Variants in NRXN1 observed in about 807,000 individuals in gnomAD.
NRXN1 encodes neurexin-1.
In NRXN1, 39 loss-of-function variants were observed where a neutral mutation model predicts 150.9. The observed-to-expected ratio is 0.26, with a 90% CI of 0.20 to 0.34. The LOEUF (loss-of-function observed/expected upper bound fraction) is 0.34. Ranked by LOEUF, NRXN1 falls within the 10% of genes least tolerant of loss-of-function variation. The pLI, the probability that NRXN1 is intolerant of heterozygous loss-of-function variation, is 1.00. For synonymous variants in NRXN1, 924 were observed against 757.0 expected, an observed-to-expected ratio of 1.22 and a Z score of -3.62; for missense variants, 1,815 against 1,949.9, an observed-to-expected ratio of 0.93 and a Z score of 1.30.
chr2:50,145,322 T>G (rs1396473978), intron 18 of NRXN1, among the ~76,000 whole-genome samples: 2 of 151,328 alleles, frequency 1.3e-5, no homozygotes, highest in African/African-American at 4.8e-5. Context: ...ACAGAAATTG[T>G]TTTTTTTCCT....
At chr2:50,486,805 T>G (rs1248685041) in intron 15 of NRXN1, among the ~76,000 whole-genome samples, 1 of 152,152 alleles carries the variant, frequency 6.6e-6, no homozygotes, top group Non-Finnish European at 1.5e-5. Context: ...TATGGGAAAT[T>G]GGCCTAAATA....
At chr2:51,006,980 T>C (rs754349475) in intron 2 of NRXN1, among the ~76,000 whole-genome samples, 10 of 149,324 alleles carry the variant, frequency 6.7e-5, no homozygotes, top group Non-Finnish European at 1.0e-4. Context: ...CTATAATCTA[T>C]GAACACCAAT....
intron 15 of NRXN1, among the ~76,000 whole-genome samples, chr2:50,487,144 T>C (rs79951573): frequency 0.055 from 8,316 of 152,070 alleles, 798 homozygotes; most frequent in African/African-American, 0.19. Flanking sequence ...AGAGAAAATA[T>C]ATGTAGCTGT....
intron 12 of NRXN1, among the ~76,000 whole-genome samples, chr2:50,519,328 T>C (rs1308060959): frequency 1.3e-5 from 2 of 151,994 alleles, no homozygotes; most frequent in Admixed American, 6.6e-5. Flanking sequence ...AGCTAGCTTT[T>C]AGTCAGTGGC....
intron 17 of NRXN1, among the ~76,000 whole-genome samples, chr2:50,365,635 AATCC>A (rs925755189): frequency 6.6e-6 from 1 of 152,054 alleles, no homozygotes; most frequent in African/African-American, 2.4e-5. Flanking sequence ...AATGTCTTAA[AATCC>A]ATCACACTGT....
intron 21 of NRXN1, among the ~76,000 whole-genome samples, chr2:50,042,600 AT>A (rs1327193221): frequency 6.6e-6 from 1 of 152,164 alleles, no homozygotes. Context: ...TCTTAGCATC[AT>A]TTTATGCATT....
intron 5 of NRXN1, among the ~76,000 whole-genome samples, chr2:50,913,847 G>A (rs866155454): frequency 6.6e-6 from 1 of 151,612 alleles, no homozygotes; most frequent in Non-Finnish European, 1.5e-5. Context: ...TCCCGAAAAT[G>A]GTAGCTATTA....
intron 9 of NRXN1, among the ~76,000 whole-genome samples, chr2:50,542,041 G>C (rs924831365): frequency 1.3e-4 from 20 of 152,156 alleles, no homozygotes; most frequent in Admixed American, 3.9e-4. Context: ...CAGCACTTTG[G>C]GAGACCAAGG....
At chr2:50,050,232 T>G (rs530323684) in intron 21 of NRXN1, among the ~76,000 whole-genome samples, 72 of 151,694 alleles carry the variant, frequency 4.7e-4, no homozygotes, top group African/African-American at 1.7e-3. Context: ...TGGAGGATAT[T>G]TTGATGAACA....
At chr2:50,429,188 G>C (rs1262959885) in intron 17 of NRXN1, among the ~76,000 whole-genome samples, 2 of 152,172 alleles carry the variant, frequency 1.3e-5, no homozygotes, top group South Asian at 4.1e-4. Context: ...TAACCTGAGA[G>C]GTTGTTAAAA....
intron 17 of NRXN1, among the ~76,000 whole-genome samples, chr2:50,365,109 C>CT (rs952072820): frequency 8.6e-5 from 13 of 151,024 alleles, no homozygotes; most frequent in South Asian, 2.1e-4. Flanking sequence ...ATACATGAAG[C>CT]TTTTTTTTTC....
chr2:51,012,947 G>C (rs967835359), intron 2 of NRXN1, among the ~76,000 whole-genome samples: 1 of 151,870 alleles, frequency 6.6e-6, no homozygotes, highest in Admixed American at 6.6e-5. Context: ...ATTCATACCA[G>C]TACTACCAAA....
chr2:50,178,600 T>C (rs79412915), intron 18 of NRXN1, among the ~76,000 whole-genome samples: 3,009 of 152,136 alleles, frequency 0.02, 96 homozygotes, highest in African/African-American at 0.07. Context: ...ACAGAGGAAT[T>C]TGGATTACAA....
chr2:50,192,276 G>C (rs2061491690), intron 18 of NRXN1, among the ~76,000 whole-genome samples: 1 of 152,064 alleles, frequency 6.6e-6, no homozygotes, highest in Non-Finnish European at 1.5e-5. Context: ...GATTATTATA[G>C]TATCATTTTC....
At chr2:50,300,731 T>A (rs1021129903) in intron 17 of NRXN1, among the ~76,000 whole-genome samples, 3 of 152,202 alleles carry the variant, frequency 2.0e-5, no homozygotes, top group African/African-American at 7.2e-5. Flanking sequence ...AGTCTTGCTC[T>A]GTCACCCAGG....
At chr2:50,371,037 C>T (rs746082734) in intron 17 of NRXN1, among the ~76,000 whole-genome samples, 3 of 151,994 alleles carry the variant, frequency 2.0e-5, no homozygotes, top group Non-Finnish European at 2.9e-5. Flanking sequence ...TCCATGTCAA[C>T]ATGCACATGC....
At chr2:51,024,292 C>T (rs1056531236) in intron 2 of NRXN1, among the ~76,000 whole-genome samples, 1 of 152,130 alleles carries the variant, frequency 6.6e-6, no homozygotes, top group African/African-American at 2.4e-5. Context: ...AGTTCTGAGG[C>T]TGACGCTCAG....
chr2:50,635,080 C>A (rs1035694364), intron 5 of NRXN1, among the ~76,000 whole-genome samples: 3 of 152,248 alleles, frequency 2.0e-5, no homozygotes, highest in Non-Finnish European at 4.4e-5. Flanking sequence ...GTGGCTCAAG[C>A]CAAAGACTCA....
intron 17 of NRXN1, among the ~76,000 whole-genome samples, chr2:50,387,645 A>G (rs2081412728): frequency 6.6e-6 from 1 of 152,196 alleles, no homozygotes; most frequent in South Asian, 2.1e-4. Flanking sequence ...TAAAGGCTAA[A>G]ATTACAGGAA....
Sources: allele counts gnomAD v4.1 joint callset (sites outside exome capture counted in the v4.1 genomes callset), GRCh38; gene constraint gnomAD v4.1.1; transcripts MANE v1.5; gene names NCBI Gene and HGNC (gene_info 2026-07-23, HGNC 2026-07-21).